PPP3CB: variants seen among roughly 807,000 people sequenced by gnomAD.
PPP3CB encodes serine/threonine-protein phosphatase 2B catalytic subunit beta isoform.
Under a neutral mutation model 66.4 loss-of-function variants are expected in PPP3CB, and 8 were observed. The observed-to-expected ratio is 0.12, with a 90% CI of 0.07 to 0.22. The LOEUF is 0.22. Ranked by LOEUF, PPP3CB falls within the 10% of genes least tolerant of loss-of-function variation. The pLI is 1.00. For missense variants in PPP3CB, 319 were observed against 642.5 expected (o/e 0.50, Z 5.44); for synonymous variants, 208 against 221.2 (o/e 0.94, Z 0.53).
At position 73,448,760 on chromosome 10, in the gene PPP3CB, T is replaced by TA. The variant is rs1191401663; in HGVS notation, c.1187-2188dup. The TA allele has an allele frequency of 1.0e-4, 54 of 532,298 alleles. No homozygotes were observed. The Admixed American group carries it at 1.0e-3, about 10-fold the overall frequency. 33.0% of individuals were successfully genotyped at this position (532,298 alleles called of 1,614,324 possible). A position where few individuals can be genotyped will look rare whatever the true frequency, so the allele number is the denominator to read the frequency against. On this transcript the variant is annotated intron_variant, in intron 10 of 13. Transcript: ENST00000360663. ...AAGGTGGTTGGGACAAATAAAAAGA[T>TA]AGAGATTTAACTTGGCAGTGGTACT...
chr10:73,440,299 T>C (rs1321235807), intron 12 of PPP3CB, among the ~76,000 whole-genome samples: 2 of 152,190 alleles, frequency 1.3e-5, no homozygotes, highest in Non-Finnish European at 2.9e-5. Context: ...AAAATTATAA[T>C]AGAATTGTAG....
At chr10:73,459,881 T>C (rs753466429) in intron 9 of PPP3CB, among the ~76,000 whole-genome samples, 3 of 152,112 alleles carry the variant, frequency 2.0e-5, no homozygotes, top group South Asian at 2.1e-4. Flanking sequence ...TCCAAAACTG[T>C]GGTAATGATT....
chr10:73,490,062 C>A (rs2057047698), intron 1 of PPP3CB, among the ~76,000 whole-genome samples: 2 of 152,210 alleles, frequency 1.3e-5, no homozygotes, highest in African/African-American at 2.4e-5. Context: ...GAGAATCTAT[C>A]TTACTTAATA....
chr10:73,445,429 T>C (rs1050029950), intron 11 of PPP3CB, among the ~76,000 whole-genome samples: 4 of 152,364 alleles, frequency 2.6e-5, no homozygotes, highest in African/African-American at 9.6e-5. Flanking sequence ...TGTTCCCATC[T>C]TCAGTATACA....
Position 73,471,063 on chromosome 10 carries a change from T to C in PPP3CB, c.809+7A>G. The C allele has an allele frequency of 6.2e-7, 1 of 1,603,596 alleles. No individual in the cohort carries two copies. Among genetic ancestry groups the C allele is most frequent in the Non-Finnish European group, 8.5e-7 (1 of 1,172,152 alleles). ...AAATGTGATTAATCTTGGATATTTTTCCTTACTTATAAAAATAAGAACATC... is the reference window on the plus strand; with the variant it reads ...AAATGTGATTAATCTTGGATATTTTCCCTTACTTATAAAAATAAGAACATC... On this transcript the variant is annotated splice_region_variant and intron_variant, in intron 6 of 13. Transcript: ENST00000360663.
Position 73,438,099 on chromosome 10 carries a change from G to T in PPP3CB, c.*143C>A. 1 of 809,496 alleles carries T rather than the reference G, an allele frequency of 1.2e-6. No individual in the cohort carries two copies. The highest frequency in any genetic ancestry group is 1.9e-6 in the Non-Finnish European group (1 of 530,334). 50.1% of individuals were successfully genotyped at this position (809,496 alleles called of 1,614,324 possible). A position where few individuals can be genotyped will look rare whatever the true frequency, so the allele number is the denominator to read the frequency against. On this transcript the variant is annotated 3_prime_UTR_variant, in exon 14 of 14. Transcript: ENST00000360663. The stretch of plus-strand genomic sequence containing the variant: ...CCCAGGGCCCTCAAGCCTCCATCCA[G>T]GAAGGGGGCTAGGGTCTCAGAAGCA...
At position 73,438,211 on chromosome 10, in the gene PPP3CB, C is replaced by T. The variant is rs752666913; in HGVS notation, c.*31G>A. 3.3e-5 allele frequency: 53 copies of T among 1,599,592 alleles called. 1 individual carries two copies. Among genetic ancestry groups the T allele is most frequent in the Middle Eastern group, 3.7e-4 (2 of 5,462 alleles). On this transcript the variant is annotated 3_prime_UTR_variant, in exon 14 of 14. Coordinates refer to ENST00000360663, the MANE Select transcript of PPP3CB (RefSeq NM_021132.4). Reference sequence around the variant, plus strand: ...TCGGGTGATCTGTCCATTTGGGGCCCGAGATGTGAGAGTCCCTGGGAAGTA... The same window carrying T: ...TCGGGTGATCTGTCCATTTGGGGCCTGAGATGTGAGAGTCCCTGGGAAGTA...
chr10:73,492,313 A>C (rs1321325169), intron 1 of PPP3CB, among the ~76,000 whole-genome samples: 1 of 152,250 alleles, frequency 6.6e-6, no homozygotes, highest in Non-Finnish European at 1.5e-5. Flanking sequence ...TTTTTTATTA[A>C]TACTAACAGT....
At chr10:73,451,408 A>G (rs2056342133) in intron 10 of PPP3CB, among the ~76,000 whole-genome samples, 1 of 152,126 alleles carries the variant, frequency 6.6e-6, no homozygotes. Flanking sequence ...CAGTTGTAAT[A>G]GTAATAAGAA....
At chr10:73,470,458 C>T (rs997357762) in intron 8 of PPP3CB, among the ~76,000 whole-genome samples, 2 of 152,088 alleles carry the variant, frequency 1.3e-5, no homozygotes, top group African/African-American at 2.4e-5. Context: ...ACTCAGAGCA[C>T]GTTTTACAAA....
chr10:73,442,277 A>T (rs2056161969), intron 12 of PPP3CB, among the ~76,000 whole-genome samples: 1 of 152,138 alleles, frequency 6.6e-6, no homozygotes, highest in South Asian at 2.1e-4. Flanking sequence ...TGTCTTTCAA[A>T]CCTCCCCTGC....
intron 1 of PPP3CB, among the ~76,000 whole-genome samples, chr10:73,489,407 T>TTAATAATAATAATAATAATAA: frequency 8.5e-6 from 1 of 117,942 alleles, no homozygotes; most frequent in Middle Eastern, 3.9e-3. Context: ...TTTAAAACCT[T>TTAATAATAATAATAATAATAA]CAATAATAAT....
At chr10:73,494,344 T>G (rs1319003296) in intron 1 of PPP3CB, among the ~76,000 whole-genome samples, 1 of 152,184 alleles carries the variant, frequency 6.6e-6, no homozygotes, top group African/African-American at 2.4e-5. Flanking sequence ...TGGAGCACAC[T>G]GGCGCAAATC....
chr10:73,452,671 G>A (rs1266571050), intron 10 of PPP3CB, among the ~76,000 whole-genome samples: 5 of 151,498 alleles, frequency 3.3e-5, no homozygotes, highest in East Asian at 1.9e-4. Context: ...ACTCTAGCCT[G>A]GGTGACAGAG....
intron 12 of PPP3CB, among the ~76,000 whole-genome samples, chr10:73,441,514 A>T (rs1292804565): frequency 6.6e-6 from 1 of 152,174 alleles, no homozygotes; most frequent in African/African-American, 2.4e-5. Context: ...TGAAGCAGGA[A>T]GATCACTTGA....
chr10:73,487,906 G>A (rs1409191161), intron 1 of PPP3CB, among the ~76,000 whole-genome samples: 2 of 151,564 alleles, frequency 1.3e-5, no homozygotes, highest in African/African-American at 2.4e-5. Context: ...TCAGCCTCTC[G>A]AGTAGCTGGG....
In PPP3CB at chr10:73,478,491, A is replaced by G; in HGVS notation, c.411+8T>C. The G allele has an allele frequency of 6.2e-7, 1 of 1,604,410 alleles. No individual in the cohort carries two copies. ...ACAGCAAATCAAATGACAGTTTATG[A>G]TTATTACCTCTATACTAAAATAACC... is the stretch of plus-strand genomic sequence containing the variant. On this transcript the variant is annotated splice_region_variant and intron_variant, in intron 3 of 13. Transcript: ENST00000360663.
chr10:73,490,541 T>C (rs952550800), intron 1 of PPP3CB, among the ~76,000 whole-genome samples: 10 of 152,224 alleles, frequency 6.6e-5, no homozygotes, highest in African/African-American at 2.2e-4. Flanking sequence ...AAAACATTTT[T>C]TATGGTGAAA....
At chr10:73,460,378 C>T (rs2056502337) in intron 9 of PPP3CB, among the ~76,000 whole-genome samples, 1 of 148,128 alleles carries the variant, frequency 6.8e-6, no homozygotes, top group African/African-American at 2.5e-5. Flanking sequence ...TATAAAAGAA[C>T]TAGTACTGAG....
Sources: allele counts gnomAD v4.1 joint callset (sites outside exome capture counted in the v4.1 genomes callset), GRCh38; gene constraint gnomAD v4.1.1; transcripts MANE v1.5; gene names NCBI Gene and HGNC (gene_info 2026-07-23, HGNC 2026-07-21).